Variants in PGBD1 observed in about 807,000 individuals in gnomAD.
PGBD1 encodes piggyBac transposable element-derived protein 1.
PGBD1 carries 25 observed loss-of-function variants against 34.7 expected under a neutral mutation model. That is an observed-to-expected ratio of 0.72 (90% CI 0.52 to 1.00). PGBD1 has a LOEUF of 1.00. Among genes scored for constraint, PGBD1 ranks in the 50% least tolerant of loss-of-function variants. PGBD1 has a pLI of 0.00. For missense variants in PGBD1, 830 were observed against 959.4 expected (o/e 0.87, Z 1.78); for synonymous variants, 292 against 335.7 (o/e 0.87, Z 1.42).
rs555463781 is a variant in PGBD1, at chr6:28,284,481, A to G, written c.396+272A>G. ...ACACACATACATACACATATGCAGTATTTTTTTTTCCTGAATCTATTTGAG... is the reference window on the plus strand; with the variant it reads ...ACACACATACATACACATATGCAGTGTTTTTTTTTCCTGAATCTATTTGAG... On this transcript the variant is annotated intron_variant, in intron 2 of 6. Coordinates refer to ENST00000682144, the MANE Select transcript of PGBD1 (RefSeq NM_032507.4). 2.0e-5 allele frequency among the ~76,000 whole-genome samples: 3 copies of G among 151,028 alleles called. No homozygotes were observed. The East Asian group carries it at 5.8e-4, about 29-fold the overall frequency.
rs376355935 is a variant in PGBD1 at position 28,297,961 on chromosome 6, A to C, written c.839A>C (p.Gln280Pro). The change falls in exon 6 of 7, where the codon CAA becomes CCA. Residue 280 changes from glutamine (Q) to proline (P), a missense_variant. Gln to Pro is a moderately conservative substitution (Grantham distance 76). Around this residue, in one of 3 missense-constraint regions of PGBD1, gnomAD observed 457 missense variants for 515.4 expected, o/e 0.89. Transcript: ENST00000682144. ...AKQETSEEME[Q>P]SGEASGKPNR... ...CAAGAAACTTCTGAAGAAATGGAAC[A>C]AAGTGGAGAAGCCTCAGGAAAGCCC... 1 of 1,611,590 alleles carries C rather than the reference A, an allele frequency of 6.2e-7. No individual in the cohort carries two copies. Among genetic ancestry groups the C allele is most frequent in the Non-Finnish European group, 8.5e-7 (1 of 1,178,566 alleles).
In PGBD1 at chr6:28,300,653, TCAG is replaced by T; in HGVS notation, c.870-67_870-65del. On this transcript the variant is annotated intron_variant, in intron 6 of 6. Transcript: ENST00000682144. The surrounding 1 kb of genome is among the most constrained non-coding windows in gnomAD (Gnocchi z 4.0). Reference sequence around the variant, plus strand: ...CCCCAAGCCCCAAAAGATTTAAGCTTCAGCAGATTTATCATGTGTGAGAGAATA... The same window carrying T: ...CCCCAAGCCCCAAAAGATTTAAGCTTCAGATTTATCATGTGTGAGAGAATA... 1 of 1,509,152 alleles carries T rather than the reference TCAG, an allele frequency of 6.6e-7. No individual in the cohort carries two copies. The highest frequency in any genetic ancestry group is 1.3e-5 in the South Asian group (1 of 74,396). 93.5% of individuals were successfully genotyped at this position (1,509,152 alleles called of 1,614,324 possible).
At chr6:28,296,736 C>A in intron 4 of PGBD1, 80 bp from the exon 5 acceptor site, 1 of 1,504,764 alleles carries the variant, frequency 6.6e-7, no homozygotes, top group South Asian at 1.2e-5. Context: ...CGGTCTACAG[C>A]GTGGTATTCA....
intron 4 of PGBD1, among the ~76,000 whole-genome samples, chr6:28,290,158 T>C (rs1762402507): frequency 6.6e-6 from 1 of 152,162 alleles, no homozygotes; most frequent in Non-Finnish European, 1.5e-5. Context: ...TGCAGTGGTA[T>C]CATCTCAGCT....
intron 5 of PGBD1, 25 bp downstream of exon 5, chr6:28,296,970 C>A (rs1479035983): frequency 6.2e-7 from 1 of 1,612,684 alleles, no homozygotes; most frequent in Middle Eastern, 1.7e-4. Context: ...CTGGCTGGAC[C>A]CCTGTCTGGA....
chr6:28,297,578 C>G (rs982402042), intron 5 of PGBD1, among the ~76,000 whole-genome samples: 6 of 152,038 alleles, frequency 3.9e-5, no homozygotes, highest in Non-Finnish European at 8.8e-5. Flanking sequence ...GTCTTGAACT[C>G]CTGGCCTGAA....
At chr6:28,291,550 CAAAAAA>C (rs56160771) in intron 4 of PGBD1, among the ~76,000 whole-genome samples, 21 of 120,612 alleles carry the variant, frequency 1.7e-4, no homozygotes, top group African/African-American at 6.0e-4. Context: ...TCAAATTCTT[CAAAAAA>C]AAAAAAAAAA....
intron 4 of PGBD1, among the ~76,000 whole-genome samples, chr6:28,289,423 CA>C (rs1272923145): frequency 3.3e-5 from 5 of 152,168 alleles, no homozygotes; most frequent in Admixed American, 6.6e-5. Flanking sequence ...ACACATCTTA[CA>C]AGAAATGCTA....
chr6:28,297,689 A>G (rs1006474115), intron 5 of PGBD1, among the ~76,000 whole-genome samples: 1 of 152,134 alleles, frequency 6.6e-6, no homozygotes, highest in African/African-American at 2.4e-5. Context: ...TGGTGCCTTA[A>G]TTAACCTTTC....
Position 28,281,580 on chromosome 6 carries a change from C to T in PGBD1, c.-377C>T, listed in dbSNP as rs1368587971. ...CGCAGGGAGAAGCTTTTGTACCCGC[C>T]CAGCTGCTGGAGGCGCCGGCAGCGC... On this transcript the variant is annotated 5_prime_UTR_variant, in exon 1 of 7. Coordinates refer to ENST00000682144, the MANE Select transcript of PGBD1 (RefSeq NM_032507.4). 2.6e-6 allele frequency: 1 copy of T among 389,686 alleles called. No homozygotes were observed. The allele number at this position is 389,686 out of a possible 1,614,324, so 24.1% of individuals were successfully genotyped here.
Position 28,282,535 on chromosome 6 carries a change from G to T in PGBD1, c.-39+617G>T, listed in dbSNP as rs1203066583. Among the ~76,000 whole-genome samples, 4 of 152,178 alleles carry T rather than the reference G, an allele frequency of 2.6e-5. No homozygotes were observed. The South Asian group carries it at 8.3e-4, about 32-fold the overall frequency. On this transcript the variant is annotated intron_variant, in intron 1 of 6. Coordinates refer to ENST00000682144, the MANE Select transcript of PGBD1 (RefSeq NM_032507.4). ...AGGAATACCGTAACAGAACATTATT[G>T]TAACAGTGAATGAAAATAATAGTAA...
Position 28,302,371 on chromosome 6 carries a change from C to G in PGBD1, c.*87C>G. ...GCTGTTGTACCCTCCCAAAGTAAAT[C>G]TGATATATGTAATGAAGTTATTAAA... is the stretch of plus-strand genomic sequence containing the variant. On this transcript the variant is annotated 3_prime_UTR_variant, in exon 7 of 7. Transcript: ENST00000682144. The G allele has an allele frequency of 4.6e-6, 6 of 1,291,492 alleles. No individual in the cohort carries two copies. Among genetic ancestry groups the G allele is most frequent in the Middle Eastern group, 3.9e-4 (2 of 5,120 alleles). The allele number at this position is 1,291,492 out of a possible 1,614,324, so 80.0% of individuals were successfully genotyped here.
At position 28,302,299 on chromosome 6, in the gene PGBD1, A is replaced by G. The variant is rs369174958; in HGVS notation, c.*15A>G. ...TGTCAGATTAGGGTACATAAAATGG[A>G]CATAGTGCAGACATTAATAAGACAT... On this transcript the variant is annotated 3_prime_UTR_variant, in exon 7 of 7. Coordinates refer to ENST00000682144, the MANE Select transcript of PGBD1 (RefSeq NM_032507.4). The G allele has an allele frequency of 5.1e-4, 810 of 1,599,626 alleles. 1 individual carries two copies. Among genetic ancestry groups the G allele is most frequent in the Non-Finnish European group, 6.2e-4 (725 of 1,171,064 alleles).
intron 6 of PGBD1, among the ~76,000 whole-genome samples, chr6:28,299,375 A>G (rs1056297482): frequency 8.2e-6 from 1 of 122,626 alleles, no homozygotes; most frequent in Non-Finnish European, 1.7e-5. Flanking sequence ...CTTTTTTCCC[A>G]TTTCTCACTC....
chr6:28,284,440 A>G (rs1762226894), intron 2 of PGBD1, among the ~76,000 whole-genome samples: 1 of 151,712 alleles, frequency 6.6e-6, no homozygotes, highest in Non-Finnish European at 1.5e-5. Context: ...CCCAAGATGC[A>G]TATGTATATG....
intron 4 of PGBD1, 86 bp downstream of exon 4, chr6:28,287,254 C>T: frequency 2.5e-6 from 3 of 1,185,658 alleles, no homozygotes; most frequent in Non-Finnish European, 3.8e-6. Context: ...TTGGCTCACA[C>T]TCATCATCGT....
chr6:28,301,118 C>A lies in PGBD1; in HGVS notation c.1264C>A (p.Leu422Ile). 1 of 1,614,134 alleles carries A rather than the reference C, an allele frequency of 6.2e-7. No homozygotes were observed. The highest frequency in any genetic ancestry group is 8.5e-7 in the Non-Finnish European group (1 of 1,180,034). The change falls in exon 7 of 7, where the codon CTT (leucine) becomes ATT (isoleucine). Residue 422 changes from leucine to isoleucine, a missense_variant. Around this residue, in one of 3 missense-constraint regions of PGBD1, gnomAD observed 457 missense variants for 515.4 expected, o/e 0.89. Coordinates refer to ENST00000682144, the MANE Select transcript of PGBD1 (RefSeq NM_032507.4). ...LKSEKLNPVE[L>I]FELFFDDETF... The stretch of plus-strand genomic sequence containing the variant: ...GAGCGAAAAGTTGAACCCAGTAGAG[C>A]TTTTTGAATTATTTTTTGATGATGA...
intron 2 of PGBD1, among the ~76,000 whole-genome samples, 192 bp downstream of exon 2, chr6:28,284,401 C>T (rs1459668272): frequency 1.4e-5 from 2 of 144,658 alleles, no homozygotes; most frequent in East Asian, 4.1e-4. Context: ...GTTGTGTACA[C>T]ACTCGTACAA....
intron 3 of PGBD1, 84 bp downstream of exon 3, chr6:28,285,791 C>G: frequency 1.4e-6 from 2 of 1,386,132 alleles, no homozygotes; most frequent in South Asian, 1.4e-5. Flanking sequence ...AGTTTGTATA[C>G]ATTGTGAAAT....
Sources: gnomAD v4.1 joint callset for allele counts (sites outside exome capture counted in the v4.1 genomes callset) on GRCh38, gnomAD v4.1.1 for gene constraint, gnomAD v4.1.1 regional missense constraint, Gnocchi (gnomAD v3.1) non-coding constraint, MANE v1.5 for transcripts, NCBI Gene and HGNC (gene_info 2026-07-23, HGNC 2026-07-21) for gene names.